Variants in ATL1 observed in about 807,000 individuals in gnomAD.
ATL1 encodes the protein atlastin-1.
Under a neutral mutation model 75.5 loss-of-function variants are expected in ATL1, and 31 were observed. The ratio of observed to expected loss-of-function variants is 0.41; its 90% CI spans 0.31 to 0.55. The LOEUF is 0.55. ATL1 is among the 20% of genes least tolerant of loss of function. The pLI is 0.27. For missense variants in ATL1, 405 were observed against 662.6 expected (o/e 0.61, Z 4.27); for synonymous variants, 226 against 233.3 (o/e 0.97, Z 0.28).
At chr14:50,538,103 G>C (rs2038516871) in intron 1 of ATL1, among the ~76,000 whole-genome samples, 1 of 152,182 alleles carries the variant, frequency 6.6e-6, no homozygotes, top group Admixed American at 6.5e-5. Flanking sequence ...GACCTGGTGG[G>C]AGGTAATTGA....
chr14:50,595,544 G>T, intron 5 of ATL1, 32 bp from the exon 6 acceptor site: 1 of 1,596,244 alleles, frequency 6.3e-7, no homozygotes, highest in Non-Finnish European at 8.6e-7. Flanking sequence ...CTCTCTCTCT[G>T]TGTATGTGTG....
chr14:50,578,290 T>TC (rs796095023), intron 1 of ATL1, among the ~76,000 whole-genome samples: 6 of 152,262 alleles, frequency 3.9e-5, no homozygotes, highest in African/African-American at 1.4e-4. Flanking sequence ...ATAGACAATC[T>TC]CCCTCCTCTT....
chr14:50,571,943 A>G (rs927716759), intron 1 of ATL1: 2 of 379,862 alleles, frequency 5.3e-6, no homozygotes, highest in Non-Finnish European at 1.0e-5. Context: ...ACATGATGGT[A>G]CTATTTCCTT....
intron 1 of ATL1, among the ~76,000 whole-genome samples, chr14:50,586,424 C>T (rs983777412): frequency 6.6e-6 from 1 of 152,104 alleles, no homozygotes; most frequent in African/African-American, 2.4e-5. Context: ...AGAAAAGGGG[C>T]TCTGGTTCCT....
rs567821633 is a variant in ATL1 at position 50,585,558 on chromosome 14, TA to T, written c.35-2272del. 6.1e-3 allele frequency among the ~76,000 whole-genome samples: 929 copies of T among 152,300 alleles called. 7 individuals are homozygous for T. Among genetic ancestry groups the T allele is most frequent in the African/African-American group, 0.021 (856 of 41,566 alleles). ...AGGTAGGACTGTAATCAGACATGAA[TA>T]GATAATAGTATTAATAACAGTCACC... On this transcript the variant is annotated intron_variant, in intron 1 of 13. Transcript: ENST00000358385.
At chr14:50,572,142 G>A (rs1052938348) in intron 1 of ATL1, 3 of 399,728 alleles carry the variant, frequency 7.5e-6, no homozygotes, top group African/African-American at 4.3e-5. Context: ...TTTGCTCATG[G>A]TGTCTTTTCC....
intron 7 of ATL1, among the ~76,000 whole-genome samples, chr14:50,613,947 A>T (rs1301051477): frequency 6.6e-6 from 1 of 152,210 alleles, no homozygotes; most frequent in African/African-American, 2.4e-5. Flanking sequence ...TTCAGATTCC[A>T]TTCTAGAATT....
rs774458831 is a variant in ATL1 at position 50,560,265 on chromosome 14, C to T, written c.-1C>T. On this transcript the variant is annotated 5_prime_UTR_variant, in exon 1 of 14. Transcript: ENST00000358385. ...TCACCGCCACCAGCTCCTGGACCAC[C>T]ATGGCCAAGAACCGCAGGGACAGAA... 2.5e-6 allele frequency: 4 copies of T among 1,613,974 alleles called. No individual in the cohort carries two copies. The highest frequency in any genetic ancestry group is 3.3e-5 in the Admixed American group (2 of 60,016).
intron 8 of ATL1, among the ~76,000 whole-genome samples, chr14:50,616,539 CT>C (rs1490334870): frequency 6.6e-6 from 1 of 151,630 alleles, no homozygotes; most frequent in Non-Finnish European, 1.5e-5. Context: ...GCTGCCCAGG[CT>C]GGTCTTGAAC....
At chr14:50,552,467 A>G (rs2038714610) in intron 1 of ATL1, among the ~76,000 whole-genome samples, 2 of 152,218 alleles carry the variant, frequency 1.3e-5, no homozygotes, top group African/African-American at 4.8e-5. Flanking sequence ...ATGCAATGCA[A>G]TTCCCATCAA....
intron 1 of ATL1, among the ~76,000 whole-genome samples, chr14:50,552,664 G>A (rs769541890): frequency 3.3e-5 from 5 of 152,126 alleles, no homozygotes; most frequent in Non-Finnish European, 7.4e-5. Flanking sequence ...ATAAAAATAG[G>A]CATGTAGACC....
intron 1 of ATL1, among the ~76,000 whole-genome samples, chr14:50,576,174 G>T (rs1165203079): frequency 6.6e-6 from 1 of 152,052 alleles, no homozygotes; most frequent in South Asian, 2.1e-4. Context: ...TATAAAATAG[G>T]CTTTGTGTTA....
intron 1 of ATL1, among the ~76,000 whole-genome samples, chr14:50,568,862 G>GT (rs544695611): frequency 7.2e-4 from 109 of 151,398 alleles, no homozygotes; most frequent in African/African-American, 1.9e-3. Flanking sequence ...TTTTTTTGTG[G>GT]TTACCATGGA....
In ATL1 at chr14:50,585,385, A is replaced by G. The variant is rs1494182; in HGVS notation, c.35-2446A>G. Among the ~76,000 whole-genome samples, 1,242 of 152,276 alleles carry G rather than the reference A, an allele frequency of 8.2e-3. 26 individuals carry two copies. The highest frequency in any genetic ancestry group is 0.028 in the African/African-American group (1,161 of 41,556). On this transcript the variant is annotated intron_variant, in intron 1 of 13. Coordinates refer to ENST00000358385, the MANE Select transcript of ATL1 (RefSeq NM_015915.5). ...TTTTCTGCCCCAAAGCTGTTTCTCT[A>G]TCCAAAATATTATGTCTAGCTTGGG... is the stretch of plus-strand genomic sequence containing the variant.
chr14:50,618,707 C>G (rs886957291), intron 8 of ATL1, among the ~76,000 whole-genome samples: 8 of 152,052 alleles, frequency 5.3e-5, no homozygotes, highest in Admixed American at 2.0e-4. Context: ...TTCAAAATCA[C>G]CAACCCCAAA....
intron 11 of ATL1, among the ~76,000 whole-genome samples, chr14:50,626,971 G>C (rs2039527039): frequency 6.6e-6 from 1 of 152,218 alleles, no homozygotes; most frequent in African/African-American, 2.4e-5. Flanking sequence ...GGCAGGGTTA[G>C]AGAGGATTGA....
chr14:50,595,584 T>G lies in ATL1; in HGVS notation c.582T>G (p.Thr194=). The change falls in exon 6 of 14, where the codon ACT becomes ACG. Residue 194 remains threonine, a synonymous_variant. Coordinates refer to ENST00000358385, the MANE Select transcript of ATL1 (RefSeq NM_015915.5). ...TGTAATTTTTTTTCTAGCTTTTCAC[T>G]GAGTATGGCAGACTGGCAATGGAGG... The part of the protein sequence containing the change: ...EDDLQHLQLF[T]EYGRLAMEET... 1 of 1,613,904 alleles carries G rather than the reference T, an allele frequency of 6.2e-7. No homozygotes were observed. Among genetic ancestry groups the G allele is most frequent in the Non-Finnish European group, 8.5e-7 (1 of 1,179,948 alleles).
chr14:50,600,016 G>A (rs981782405), intron 6 of ATL1, among the ~76,000 whole-genome samples: 23 of 150,486 alleles, frequency 1.5e-4, no homozygotes, highest in African/African-American at 5.6e-4. Context: ...TAGGTTGATC[G>A]TTGAAGTGCT....
rs190389303 is a variant in ATL1, at chr14:50,606,332, C to T, written c.631-6927C>T. ...AAAAGTATATTTACTATTATTGATA[C>T]AAAAATTAGTGTTGTTTAATAGAAA... On this transcript the variant is annotated intron_variant, in intron 6 of 13. Transcript: ENST00000358385. Among the ~76,000 whole-genome samples the T allele has an allele frequency of 4.6e-5, 7 of 151,910 alleles. No homozygotes were observed. In the East Asian group the frequency reaches 1.4e-3, roughly 29 times the overall value.
Sources: gnomAD v4.1 joint callset for allele counts (sites outside exome capture counted in the v4.1 genomes callset) on GRCh38, gnomAD v4.1.1 for gene constraint, MANE v1.5 for transcripts, NCBI Gene and HGNC (gene_info 2026-07-23, HGNC 2026-07-21) for gene names.